RINT1: variants seen among roughly 807,000 people sequenced by gnomAD.
RINT1 encodes the protein RAD50-interacting protein 1.
RINT1 carries 75 observed loss-of-function variants against 97.7 expected under a neutral mutation model. The ratio of observed to expected loss-of-function variants is 0.77; its 90% CI spans 0.64 to 0.93. RINT1 has a LOEUF of 0.93. Ranked by LOEUF, RINT1 falls within the 40% of genes least tolerant of loss-of-function variation. The pLI, the probability that RINT1 is intolerant of heterozygous loss-of-function variation, is 0.00. For missense variants in RINT1, 892 were observed against 925.2 expected, an observed-to-expected ratio of 0.96 and a Z score of 0.47; for synonymous variants, 303 against 326.3, an observed-to-expected ratio of 0.93 and a Z score of 0.77.
intron 11 of RINT1, among the ~76,000 whole-genome samples, chr7:105,560,397 A>G (rs560193348): frequency 7.2e-5 from 11 of 152,276 alleles, no homozygotes; most frequent in African/African-American, 2.6e-4. Flanking sequence ...AAAGGGGAAA[A>G]GTTGCCATGT....
intron 14 of RINT1, chr7:105,566,734 T>C (rs1285805818): frequency 6.5e-6 from 1 of 153,282 alleles, no homozygotes; most frequent in Non-Finnish European, 1.5e-5. Flanking sequence ...TGTTTACACG[T>C]TTCATAGGAC....
intron 4 of RINT1, among the ~76,000 whole-genome samples, chr7:105,546,250 G>A (rs889732301): frequency 6.6e-6 from 1 of 152,214 alleles, no homozygotes; most frequent in Non-Finnish European, 1.5e-5. Context: ...TTAAGATACT[G>A]AAGACTTTGT....
chr7:105,546,841 C>T, intron 4 of RINT1, 69 bp from the exon 5 acceptor site: 5 of 1,216,370 alleles, frequency 4.1e-6, no homozygotes, highest in Non-Finnish European at 5.8e-6. Flanking sequence ...TGCCACTGCA[C>T]TCCAACCTGG....
At chr7:105,565,958 G>A (rs1215039991) in intron 14 of RINT1, among the ~76,000 whole-genome samples, 2 of 152,106 alleles carry the variant, frequency 1.3e-5, no homozygotes, top group Non-Finnish European at 2.9e-5. Flanking sequence ...GTACAGTTGT[G>A]CCCTATTCAC....
intron 14 of RINT1, chr7:105,566,388 T>C (rs1488589129): frequency 6.6e-6 from 1 of 152,192 alleles, no homozygotes; most frequent in African/African-American, 2.4e-5. Flanking sequence ...CCAGGCATAG[T>C]AGCCCACATC....
intron 11 of RINT1, among the ~76,000 whole-genome samples, chr7:105,560,796 C>A (rs774176928): frequency 1.3e-5 from 2 of 151,990 alleles, no homozygotes; most frequent in Non-Finnish European, 2.9e-5. Flanking sequence ...TCTTGGCTCA[C>A]GGCAACTTCT....
intron 10 of RINT1, among the ~76,000 whole-genome samples, chr7:105,553,782 G>A (rs1168687938): frequency 1.0e-4 from 15 of 149,132 alleles, no homozygotes; most frequent in Admixed American, 1.3e-4. Context: ...GTGCTGTGGC[G>A]CAATCTCGGC....
At chr7:105,547,480 T>A in intron 6 of RINT1, 147 bp downstream of exon 6, 3 of 753,382 alleles carry the variant, frequency 4.0e-6, no homozygotes, top group Non-Finnish European at 4.3e-6. Context: ...CACTGAGTGG[T>A]GGACTGTACT....
Position 105,551,627 on chromosome 7 carries a change from A to G in RINT1, c.1391A>G (p.Tyr464Cys). The G allele has an allele frequency of 5.0e-6, 8 of 1,612,150 alleles. No homozygotes were observed. The highest frequency in any genetic ancestry group is 1.3e-5 in the African/African-American group (1 of 75,004). ...LSSEAAWVSQYKDITDVDEMK... is the reference protein window; with the variant it reads ...LSSEAAWVSQCKDITDVDEMK... ...TCAGAAGCTGCCTGGGTATCGCAAT[A>G]TAAGGATATCACTGACGTGGATGAA... Residue 464 changes from tyrosine (Y) to cysteine (C), a missense_variant, in exon 10 of 15, where the codon TAT (tyrosine) becomes TGT (cysteine). Tyr to Cys is a radical substitution (Grantham distance 194, BLOSUM62 -2). Transcript: ENST00000257700.
In RINT1 at chr7:105,565,388, T is replaced by C. The variant is rs753248481; in HGVS notation, c.1998T>C (p.Leu666=). The C allele has an allele frequency of 6.2e-7, 1 of 1,614,208 alleles. No individual in the cohort carries two copies. The highest frequency in any genetic ancestry group is 2.2e-5 in the East Asian group (1 of 44,886). The change falls in exon 13 of 15, where the codon CTT becomes CTC. Residue 666 remains leucine, a synonymous_variant. Coordinates refer to ENST00000257700, the MANE Select transcript of RINT1 (RefSeq NM_021930.6). ...RDHLLQLEQQ[L]CFSLFKIFWQ... ...ATTTACTTCAGTTGGAGCAGCAGCT[T>C]TGTTTCTCCTTATTTAAAATTTTCT...
At chr7:105,546,865 ACT>A in intron 4 of RINT1, 43 bp from the exon 5 acceptor site, 3 of 1,438,556 alleles carry the variant, frequency 2.1e-6, no homozygotes, top group South Asian at 1.3e-5. Context: ...ACAGAGTGAG[ACT>A]CTGTCTCAAA....
At chr7:105,558,156 A>G (rs893625616) in intron 11 of RINT1, among the ~76,000 whole-genome samples, 11 of 152,008 alleles carry the variant, frequency 7.2e-5, no homozygotes, top group Admixed American at 7.2e-4. Context: ...CTTTACTAAA[A>G]ATAAAAAAAA....
rs905014845 is a variant in RINT1 at position 105,564,031 on chromosome 7, T to C, written c.1886+84T>C. The C allele has an allele frequency of 1.6e-5, 15 of 946,502 alleles. No homozygotes were observed. The African/African-American group carries it at 1.8e-4, about 11-fold the overall frequency. The allele number at this position is 946,502 out of a possible 1,614,324, so 58.6% of individuals were successfully genotyped here. On this transcript the variant is annotated intron_variant, in intron 12 of 14. Coordinates refer to ENST00000257700, the MANE Select transcript of RINT1 (RefSeq NM_021930.6). ...TGGTCAGATTTTCAAGGTGTCTAGA[T>C]AGAACCCGGTTTGGCCTTATGTACT...
At chr7:105,543,862 G>A (rs1044777055) in intron 4 of RINT1, among the ~76,000 whole-genome samples, 5 of 151,796 alleles carry the variant, frequency 3.3e-5, no homozygotes, top group South Asian at 4.2e-4. Context: ...AGGCCGAGGC[G>A]GGCAGATCAC....
chr7:105,549,633 G>A (rs1239033967), intron 7 of RINT1, among the ~76,000 whole-genome samples: 1 of 152,146 alleles, frequency 6.6e-6, no homozygotes, highest in Non-Finnish European at 1.5e-5. Flanking sequence ...ACAGGCATGA[G>A]CTGCCACGCC....
intron 4 of RINT1, among the ~76,000 whole-genome samples, chr7:105,544,395 TTTC>T: frequency 6.6e-6 from 1 of 151,996 alleles, no homozygotes; most frequent in East Asian, 1.9e-4. Context: ...ACTTTTCTTT[TTTC>T]TTCTTTTTTT....
At chr7:105,545,289 TA>T (rs946176902) in intron 4 of RINT1, among the ~76,000 whole-genome samples, 345 of 142,710 alleles carry the variant, frequency 2.4e-3, no homozygotes, top group Middle Eastern at 3.6e-3. Context: ...CATCTCTGTT[TA>T]AAAAAAAAAA....
intron 2 of RINT1, among the ~76,000 whole-genome samples, chr7:105,533,880 C>T (rs1005569337): frequency 1.3e-5 from 2 of 152,260 alleles, no homozygotes; most frequent in African/African-American, 4.8e-5. Flanking sequence ...TAGATGTAGA[C>T]TATCATATCA....
chr7:105,542,709 G>C, intron 4 of RINT1, 60 bp downstream of exon 4: 2 of 1,520,306 alleles, frequency 1.3e-6, no homozygotes, highest in Non-Finnish European at 1.8e-6. Flanking sequence ...CTGTCTTAGA[G>C]AGTACATGTG....
Sources: gnomAD v4.1 joint callset for allele counts (sites outside exome capture counted in the v4.1 genomes callset) on GRCh38, gnomAD v4.1.1 for gene constraint, MANE v1.5 for transcripts, NCBI Gene and HGNC (gene_info 2026-07-23, HGNC 2026-07-21) for gene names.